Variants in ADGRB3 observed in about 807,000 individuals in gnomAD.
ADGRB3 encodes the protein brain-specific angiogenesis inhibitor 3.
A neutral mutation model predicts 193.4 loss-of-function variants in ADGRB3; 37 were observed. The observed-to-expected ratio is 0.19, with a 90% CI of 0.15 to 0.25. The LOEUF (loss-of-function observed/expected upper bound fraction) is 0.25. Among genes scored for constraint, ADGRB3 ranks in the 10% least tolerant of loss-of-function variants. The pLI is 1.00. For synonymous variants in ADGRB3, 690 were observed against 644.2 expected, an observed-to-expected ratio of 1.07 and a Z score of -1.08; for missense variants, 1,637 against 1,852.9, an observed-to-expected ratio of 0.88 and a Z score of 2.14.
chr6:68,945,945 A>G (rs899143752), intron 6 of ADGRB3, among the ~76,000 whole-genome samples: 2 of 152,102 alleles, frequency 1.3e-5, no homozygotes, highest in Admixed American at 6.6e-5. Flanking sequence ...ATAAAATCAG[A>G]TGGCTTTCTT....
intron 3 of ADGRB3, among the ~76,000 whole-genome samples, chr6:68,861,020 C>T (rs1582262423): frequency 6.6e-6 from 1 of 152,180 alleles, no homozygotes; most frequent in Non-Finnish European, 1.5e-5. Flanking sequence ...ATCGATCTAT[C>T]TTGCACCACA....
chr6:68,658,268 A>G (rs970651810), intron 3 of ADGRB3, among the ~76,000 whole-genome samples: 1 of 151,220 alleles, frequency 6.6e-6, no homozygotes, highest in African/African-American at 2.4e-5. Context: ...ACACTATACC[A>G]CCACTCTGTA....
chr6:68,881,260 C>T (rs1765721790), intron 3 of ADGRB3, among the ~76,000 whole-genome samples: 1 of 151,482 alleles, frequency 6.6e-6, no homozygotes, highest in South Asian at 2.1e-4. Context: ...TGATAAAATA[C>T]AAATCTTGCC....
intron 14 of ADGRB3, 45 bp from the exon 15 acceptor site, chr6:69,049,226 T>C: frequency 7.3e-7 from 1 of 1,371,156 alleles, no homozygotes; most frequent in South Asian, 1.2e-5. Context: ...TAAGACATAG[T>C]ATTTTCTTGC....
At chr6:68,671,543 T>C (rs981726994) in intron 3 of ADGRB3, among the ~76,000 whole-genome samples, 1 of 152,098 alleles carries the variant, frequency 6.6e-6, no homozygotes, top group Admixed American at 6.6e-5. Flanking sequence ...ATTTTCTTGT[T>C]ATGATGTATC....
At chr6:69,040,362 T>C (rs867566899) in intron 13 of ADGRB3, among the ~76,000 whole-genome samples, 2,130 of 56,182 alleles carry the variant, frequency 0.038, 53 homozygotes, top group South Asian at 0.067. Context: ...TCTTTCTTTC[T>C]TTCTTTCTTT....
At position 69,018,436 on chromosome 6, in the gene ADGRB3, A is replaced by G. The variant is rs768652552; in HGVS notation, c.2044A>G (p.Ile682Val). 6.2e-6 allele frequency: 10 copies of G among 1,609,460 alleles called. No homozygotes were observed. The highest frequency in any genetic ancestry group is 8.5e-6 in the Non-Finnish European group (10 of 1,176,760). The change falls in exon 13 of 32, where the codon ATA becomes GTA. Residue 682 changes from isoleucine (I) to valine (V), a missense_variant. By Grantham distance (29) the Ile-to-Val change is conservative. This residue lies in a region of ADGRB3 where 641 missense variants were observed against 673.9 expected (regional missense o/e 0.95). Coordinates refer to ENST00000370598, the MANE Select transcript of ADGRB3 (RefSeq NM_001704.3). ...IELMQVIEDF[I>V]HIVGMGMMDF... ...GTTAATGCAGGTGATTGAAGATTTT[A>G]TACACATTGTTGGAATGGGGATGAT... is the stretch of plus-strand genomic sequence containing the variant.
intron 20 of ADGRB3, among the ~76,000 whole-genome samples, chr6:69,240,559 A>C (rs948643744): frequency 6.6e-6 from 1 of 152,046 alleles, no homozygotes; most frequent in Non-Finnish European, 1.5e-5. Flanking sequence ...GAATGACTAA[A>C]GGTGAGAGGG....
intron 3 of ADGRB3, among the ~76,000 whole-genome samples, chr6:68,711,733 T>C (rs534663603): frequency 6.6e-6 from 1 of 152,246 alleles, no homozygotes; most frequent in African/African-American, 2.4e-5. Context: ...TTCTCTTTCA[T>C]TCTGTATAGA....
intron 13 of ADGRB3, among the ~76,000 whole-genome samples, chr6:69,023,594 A>G (rs1582401141): frequency 6.6e-6 from 1 of 152,282 alleles, no homozygotes; most frequent in East Asian, 1.9e-4. Flanking sequence ...TCAAATTGGA[A>G]AGGCATGTTG....
intron 20 of ADGRB3, among the ~76,000 whole-genome samples, chr6:69,280,852 A>T (rs182583747): frequency 1.2e-3 from 186 of 151,656 alleles, no homozygotes; most frequent in African/African-American, 3.2e-3. Context: ...ACTACAAAAA[A>T]ATATATATAT....
chr6:69,091,712 G>A (rs1156302937), intron 17 of ADGRB3, among the ~76,000 whole-genome samples: 1 of 152,074 alleles, frequency 6.6e-6, no homozygotes, highest in Non-Finnish European at 1.5e-5. Context: ...TCTGGGTGAT[G>A]TATAGAATAC....
chr6:69,112,290 A>G (rs542612438), intron 17 of ADGRB3, among the ~76,000 whole-genome samples: 1 of 152,314 alleles, frequency 6.6e-6, no homozygotes, highest in South Asian at 2.1e-4. Flanking sequence ...CAGCAGAAAA[A>G]GGAAAGGAAA....
chr6:69,015,606 T>C (rs1475244540), intron 12 of ADGRB3, among the ~76,000 whole-genome samples: 1 of 152,000 alleles, frequency 6.6e-6, no homozygotes, highest in Non-Finnish European at 1.5e-5. Flanking sequence ...AGATAATCCT[T>C]GTGAGTCTCC....
At chr6:69,296,012 T>C (rs1003245294) in intron 20 of ADGRB3, among the ~76,000 whole-genome samples, 5 of 152,182 alleles carry the variant, frequency 3.3e-5, no homozygotes, top group African/African-American at 1.2e-4. Context: ...AGTAACACTA[T>C]ATTTGCATAT....
intron 26 of ADGRB3, 25 bp from the exon 27 acceptor site, chr6:69,354,208 A>C: frequency 6.4e-7 from 1 of 1,561,744 alleles, no homozygotes; most frequent in Non-Finnish European, 8.8e-7. Flanking sequence ...AGAGAAGAAA[A>C]TTAATGTGTT....
Position 69,290,761 on chromosome 6 carries a change from G to A in ADGRB3, c.2815-34111G>A, listed in dbSNP as rs570133896. 1.3e-4 allele frequency among the ~76,000 whole-genome samples: 20 copies of A among 152,202 alleles called. No individual in the cohort carries two copies. In the South Asian group the frequency reaches 3.9e-3, roughly 30 times the overall value. ...TCTAGCCATATGTCTATCATATATA[G>A]CAGTATCACAGACAGAATGAAACTA... On this transcript the variant is annotated intron_variant, in intron 20 of 31. Coordinates refer to ENST00000370598, the MANE Select transcript of ADGRB3 (RefSeq NM_001704.3).
At chr6:69,164,699 T>C (rs1775086759) in intron 17 of ADGRB3, among the ~76,000 whole-genome samples, 1 of 152,102 alleles carries the variant, frequency 6.6e-6, no homozygotes, top group Non-Finnish European at 1.5e-5. Flanking sequence ...TAGGCACTAA[T>C]TGAGCACTTC....
At chr6:68,669,341 C>G (rs1460144927) in intron 3 of ADGRB3, among the ~76,000 whole-genome samples, 2 of 151,676 alleles carry the variant, frequency 1.3e-5, no homozygotes, top group African/African-American at 2.4e-5. Flanking sequence ...TTCATTTGTT[C>G]TAACTATTTC....
Sources: gnomAD v4.1 joint callset for allele counts (sites outside exome capture counted in the v4.1 genomes callset) on GRCh38, gnomAD v4.1.1 for gene constraint, gnomAD v4.1.1 regional missense constraint, MANE v1.5 for transcripts, NCBI Gene and HGNC (gene_info 2026-07-23, HGNC 2026-07-21) for gene names.